DOCK7: variants seen among roughly 807,000 people sequenced by gnomAD.
DOCK7 encodes dedicator of cytokinesis 7.
Under a neutral mutation model 271.0 loss-of-function variants are expected in DOCK7, and 138 were observed. That is an observed-to-expected ratio of 0.51 (90% CI 0.44 to 0.59). The LOEUF is 0.59. Among genes scored for constraint, DOCK7 ranks in the 20% least tolerant of loss-of-function variants. The pLI, the probability that DOCK7 is intolerant of heterozygous loss-of-function variation, is 0.00. For missense variants in DOCK7, 2,066 were observed against 2,592.4 expected, an observed-to-expected ratio of 0.80 and a Z score of 4.41; for synonymous variants, 823 against 876.1, an observed-to-expected ratio of 0.94 and a Z score of 1.07.
At chr1:62,655,115 G>A (rs1025273074) in intron 2 of DOCK7, among the ~76,000 whole-genome samples, 5 of 152,132 alleles carry the variant, frequency 3.3e-5, no homozygotes, top group African/African-American at 9.7e-5. Context: ...GAATACACAG[G>A]CCCTATTAAA....
At chr1:62,566,553 G>C (rs1646522986) in intron 18 of DOCK7, among the ~76,000 whole-genome samples, 1 of 152,112 alleles carries the variant, frequency 6.6e-6, no homozygotes, top group South Asian at 2.1e-4. Flanking sequence ...ACTCAGGATG[G>C]ATTAAAAACT....
chr1:62,621,460 C>T, intron 12 of DOCK7, among the ~76,000 whole-genome samples: 1 of 152,042 alleles, frequency 6.6e-6, no homozygotes, highest in Non-Finnish European at 1.5e-5. Context: ...TTGTTTTATG[C>T]ATATTTCATA....
intron 27 of DOCK7, 24 bp downstream of exon 27, chr1:62,539,521 T>G: frequency 6.5e-7 from 1 of 1,531,400 alleles, no homozygotes; most frequent in Non-Finnish European, 8.9e-7. Context: ...ATTTGATTAC[T>G]AATTATTCCT....
rs774409338 is a variant in DOCK7, at chr1:62,504,766, A to T, written c.4628T>A (p.Phe1543Tyr). The stretch of plus-strand genomic sequence containing the variant: ...AGCACACTGCTCTGTCTCTTCTTCA[A>T]ATAAGAGTTCAGGAAACTGTAAAAC... ...ALVSKFPELL[F>Y]EEETEQCADL... is the part of the protein sequence containing the mutation. Residue 1543 changes from phenylalanine (F) to tyrosine (Y), a missense_variant, in exon 37 of 50, where the codon TTT becomes TAT. Physicochemically the swap from Phe to Tyr is conservative, Grantham distance 22. Around this residue, in one of 2 missense-constraint regions of DOCK7, gnomAD observed 652 missense variants for 922.1 expected, o/e 0.71. Coordinates refer to ENST00000635253, the MANE Select transcript of DOCK7 (RefSeq NM_001367561.1). 6.2e-7 allele frequency: 1 copy of T among 1,611,806 alleles called. No homozygotes were observed. Among genetic ancestry groups the T allele is most frequent in the South Asian group, 1.1e-5 (1 of 90,264 alleles).
At chr1:62,597,515 C>G (rs182991271) in intron 14 of DOCK7, 1 of 1,601,010 alleles carries the variant, frequency 6.2e-7, no homozygotes, top group East Asian at 2.2e-5. Flanking sequence ...TCTAGGTCTG[C>G]TTCCAGAAGA....
At chr1:62,609,549 T>C (rs1010264512) in intron 14 of DOCK7, 3 of 152,232 alleles carry the variant, frequency 2.0e-5, no homozygotes, top group East Asian at 1.9e-4. Flanking sequence ...TTATGAACTA[T>C]AAAGTTCTAA....
intron 7 of DOCK7, among the ~76,000 whole-genome samples, chr1:62,644,993 AAT>A (rs1210121594): frequency 6.6e-6 from 1 of 152,216 alleles, no homozygotes; most frequent in Non-Finnish European, 1.5e-5. Flanking sequence ...GTAAAGCTAC[AAT>A]GACACACCAC....
At chr1:62,601,658 G>GA in intron 14 of DOCK7, 2 of 743,964 alleles carry the variant, frequency 2.7e-6, no homozygotes, top group Non-Finnish European at 4.5e-6. Flanking sequence ...AAACATTACT[G>GA]AAAAAATGCT....
chr1:62,602,020 T>G, intron 14 of DOCK7: 1 of 616,136 alleles, frequency 1.6e-6, no homozygotes, highest in Non-Finnish European at 2.8e-6. Context: ...ATAATACTTT[T>G]ACCTTGTTTA....
chr1:62,680,828 C>T (rs944954457), intron 1 of DOCK7, among the ~76,000 whole-genome samples: 15 of 151,920 alleles, frequency 9.9e-5, no homozygotes, highest in Admixed American at 4.6e-4. Flanking sequence ...ATCAAAACCA[C>T]AATGAGACAC....
intron 14 of DOCK7, among the ~76,000 whole-genome samples, chr1:62,612,353 G>A (rs765345261): frequency 5.3e-5 from 8 of 152,194 alleles, no homozygotes; most frequent in Non-Finnish European, 1.0e-4. Flanking sequence ...CACAGTGAGG[G>A]AACAACACAG....
Position 62,631,223 on chromosome 1 carries a change from G to C in DOCK7, c.1282+17C>G. The C allele has an allele frequency of 1.3e-6, 2 of 1,554,142 alleles. No homozygotes were observed. The highest frequency in any genetic ancestry group is 1.7e-6 in the Non-Finnish European group (2 of 1,154,138). The stretch of plus-strand genomic sequence containing the variant: ...AAAAGTAAACATTTAGAAATGTTTT[G>C]TATGAAACACTCTTACCTCCAGTAC... On this transcript the variant is annotated intron_variant, in intron 11 of 49. Coordinates refer to ENST00000635253, the MANE Select transcript of DOCK7 (RefSeq NM_001367561.1).
At chr1:62,620,803 G>C (rs1351729256) in intron 12 of DOCK7, among the ~76,000 whole-genome samples, 2 of 145,450 alleles carry the variant, frequency 1.4e-5, no homozygotes, top group Non-Finnish European at 3.0e-5. Context: ...AGAATGGCGT[G>C]AACTCGGGAG....
chr1:62,455,640 A>G (rs1645326176), intron 49 of DOCK7, among the ~76,000 whole-genome samples, 184 bp from the exon 50 acceptor site: 1 of 152,222 alleles, frequency 6.6e-6, no homozygotes, highest in Admixed American at 6.5e-5. Flanking sequence ...ATTTAGCTAT[A>G]GAAGTGTATT....
chr1:62,546,183 G>A (rs1287273877), intron 22 of DOCK7, among the ~76,000 whole-genome samples: 1 of 152,124 alleles, frequency 6.6e-6, no homozygotes, highest in Admixed American at 6.6e-5. Context: ...AACAACAACA[G>A]TAACTAACAA....
At chr1:62,532,483 C>A (rs1225337502) in intron 29 of DOCK7, among the ~76,000 whole-genome samples, 1 of 152,130 alleles carries the variant, frequency 6.6e-6, no homozygotes, top group Non-Finnish European at 1.5e-5. Context: ...AGGTATGCAC[C>A]ACCATGTACG....
intron 1 of DOCK7, among the ~76,000 whole-genome samples, chr1:62,686,042 C>G (rs138684380): frequency 6.6e-6 from 1 of 152,288 alleles, no homozygotes; most frequent in Non-Finnish European, 1.5e-5. Context: ...AATAGACATA[C>G]AATTTCATAT....
At chr1:62,511,649 A>T (rs1459639245) in intron 33 of DOCK7, among the ~76,000 whole-genome samples, 3 of 152,170 alleles carry the variant, frequency 2.0e-5, no homozygotes, top group Non-Finnish European at 2.9e-5. Context: ...TTCCTGTACA[A>T]TAAAGGACAT....
intron 14 of DOCK7, among the ~76,000 whole-genome samples, chr1:62,607,478 T>C (rs1651167985): frequency 6.6e-6 from 1 of 152,212 alleles, no homozygotes; most frequent in African/African-American, 2.4e-5. Context: ...CCCCAAAGAC[T>C]GTCTTTAACT....
Sources: gnomAD v4.1 joint callset for allele counts (sites outside exome capture counted in the v4.1 genomes callset) on GRCh38, gnomAD v4.1.1 for gene constraint, gnomAD v4.1.1 regional missense constraint, MANE v1.5 for transcripts, NCBI Gene and HGNC (gene_info 2026-07-23, HGNC 2026-07-21) for gene names.